Variants in TBC1D5 observed in about 807,000 individuals in gnomAD.
TBC1D5 encodes the protein TBC1 domain family member 5.
In TBC1D5, 75 loss-of-function variants were observed where a neutral mutation model predicts 100.3. The ratio of observed to expected loss-of-function variants is 0.75; its 90% confidence interval spans 0.62 to 0.91. The LOEUF (loss-of-function observed/expected upper bound fraction) is 0.91. Among genes scored for constraint, TBC1D5 ranks in the 40% least tolerant of loss-of-function variants. The pLI, the probability that TBC1D5 is intolerant of heterozygous loss-of-function variation, is 0.00. For synonymous variants in TBC1D5, 323 were observed against 325.6 expected, an observed-to-expected ratio of 0.99 and a Z score of 0.09; for missense variants, 910 against 942.4, an observed-to-expected ratio of 0.97 and a Z score of 0.45.
intron 3 of TBC1D5, among the ~76,000 whole-genome samples, chr3:17,468,272 T>C (rs745896433): frequency 6.6e-6 from 1 of 152,208 alleles, no homozygotes; most frequent in African/African-American, 2.4e-5. Context: ...CTGCAGAACA[T>C]GTTTGGCAGC....
At chr3:17,370,947 T>C (rs1383910015) in intron 13 of TBC1D5, among the ~76,000 whole-genome samples, 2 of 152,182 alleles carry the variant, frequency 1.3e-5, no homozygotes, top group African/African-American at 2.4e-5. Flanking sequence ...GCACTACATA[T>C]AAATGTTCTA....
chr3:17,176,188 C>G (rs969729884), intron 19 of TBC1D5, among the ~76,000 whole-genome samples: 2 of 152,194 alleles, frequency 1.3e-5, no homozygotes, highest in African/African-American at 4.8e-5. Flanking sequence ...CAATTTCCTC[C>G]ACTGTACACT....
At chr3:17,194,959 T>C (rs1242457828) in intron 18 of TBC1D5, among the ~76,000 whole-genome samples, 2 of 152,200 alleles carry the variant, frequency 1.3e-5, no homozygotes, top group Non-Finnish European at 2.9e-5. Context: ...TACTGGAAAT[T>C]GAAATAAAAC....
Position 17,703,914 on chromosome 3 carries a change from GTTTTTT to G in TBC1D5, c.-101+35423_-101+35428del, listed in dbSNP as rs58614671. On this transcript the variant is annotated intron_variant, in intron 1 of 21. Transcript: ENST00000253692. ...ACATTGATATTTGTGTTTTTTTTTT[GTTTTTT>G]TTTTTTTAATTTATTTTTTTATTGA... Among the ~76,000 whole-genome samples the G allele has an allele frequency of 4.2e-5, 6 of 141,890 alleles. No homozygotes were observed. The South Asian group carries it at 1.3e-3, about 31-fold the overall frequency. 93.1% of individuals were successfully genotyped at this position (141,890 alleles called of 152,430 possible).
At chr3:17,738,112 T>C (rs941315459) in intron 1 of TBC1D5, among the ~76,000 whole-genome samples, 23 of 152,222 alleles carry the variant, frequency 1.5e-4, no homozygotes, top group Admixed American at 2.6e-4. Flanking sequence ...TACTTTCTTG[T>C]TTTGAAAGAT....
chr3:17,702,732 A>G (rs929538785), intron 1 of TBC1D5, among the ~76,000 whole-genome samples: 1 of 152,136 alleles, frequency 6.6e-6, no homozygotes, highest in Non-Finnish European at 1.5e-5. Context: ...TTACTTTTTA[A>G]ATTTAATTGC....
intron 1 of TBC1D5, among the ~76,000 whole-genome samples, chr3:17,722,919 GAGTAA>G (rs539256095): frequency 5.4e-4 from 82 of 152,290 alleles, no homozygotes; most frequent in African/African-American, 1.8e-3. Context: ...GGGGCAGTGA[GAGTAA>G]AGTAATTTCC....
chr3:17,285,560 G>A (rs1035570954), intron 15 of TBC1D5, among the ~76,000 whole-genome samples: 2 of 151,872 alleles, frequency 1.3e-5, no homozygotes, highest in African/African-American at 2.4e-5. Context: ...GCGCCCGGCC[G>A]GATTTTAGAT....
intron 3 of TBC1D5, among the ~76,000 whole-genome samples, chr3:17,490,006 C>T (rs1485290257): frequency 6.6e-6 from 1 of 152,208 alleles, no homozygotes. Context: ...TCATCAGCAT[C>T]TGTTGTTTCT....
intron 13 of TBC1D5, among the ~76,000 whole-genome samples, chr3:17,326,034 T>C (rs1416658029): frequency 6.6e-6 from 1 of 152,190 alleles, no homozygotes; most frequent in African/African-American, 2.4e-5. Flanking sequence ...ATAAATTCTC[T>C]ATGACTGTAC....
chr3:17,334,229 C>G (rs2087327313), intron 13 of TBC1D5, among the ~76,000 whole-genome samples: 1 of 151,980 alleles, frequency 6.6e-6, no homozygotes, highest in Non-Finnish European at 1.5e-5. Flanking sequence ...GAGACAGATA[C>G]TACCTGTTTC....
At chr3:17,637,492 T>C (rs1440992940) in intron 1 of TBC1D5, among the ~76,000 whole-genome samples, 3 of 151,962 alleles carry the variant, frequency 2.0e-5, no homozygotes, top group East Asian at 3.9e-4. Flanking sequence ...ATATGAAATA[T>C]ACACAAACTG....
chr3:17,499,743 T>C (rs2095761755), intron 3 of TBC1D5, among the ~76,000 whole-genome samples: 1 of 148,940 alleles, frequency 6.7e-6, no homozygotes, highest in Admixed American at 6.6e-5. Flanking sequence ...GCCCCATTAA[T>C]GAATCAACAA....
At chr3:17,270,864 A>G (rs2079341313) in intron 15 of TBC1D5, among the ~76,000 whole-genome samples, 2 of 152,256 alleles carry the variant, frequency 1.3e-5, no homozygotes, top group Admixed American at 6.5e-5. Flanking sequence ...CCACTTATTG[A>G]ATAGAGAGTC....
chr3:17,714,505 C>A (rs182768917), intron 1 of TBC1D5, among the ~76,000 whole-genome samples: 327 of 152,294 alleles, frequency 2.1e-3, no homozygotes, highest in South Asian at 8.3e-3. Context: ...AGCCAATCCA[C>A]GAAGACTGGG....
intron 17 of TBC1D5, among the ~76,000 whole-genome samples, chr3:17,235,506 C>T (rs1404940923): frequency 6.6e-6 from 1 of 152,216 alleles, no homozygotes; most frequent in East Asian, 1.9e-4. Flanking sequence ...GTTCACTGAT[C>T]TATGGGACCA....
rs558207522 is a variant in TBC1D5, at chr3:17,167,634, G to A, written c.1932+115C>T. The A allele has an allele frequency of 4.6e-6, 4 of 863,624 alleles. No individual in the cohort carries two copies. In the African/African-American group the frequency reaches 5.1e-5, roughly 11 times the overall value. 53.5% of individuals were successfully genotyped at this position (863,624 alleles called of 1,614,324 possible). ...GTGATGCAGAAGGGGCTCTGTCTGG[G>A]AGGAAATGAGGGTTAGGGGGATGCT... On this transcript the variant is annotated intron_variant, in intron 20 of 21. Coordinates refer to ENST00000253692, the Ensembl canonical transcript of TBC1D5.
At chr3:17,303,786 C>T (rs1250927505) in intron 14 of TBC1D5, among the ~76,000 whole-genome samples, 4 of 150,892 alleles carry the variant, frequency 2.7e-5, no homozygotes, top group African/African-American at 9.8e-5. Context: ...TCCTATCTCC[C>T]TTTAGTCCTG....
chr3:17,672,087 T>C (rs1252112158), intron 1 of TBC1D5, among the ~76,000 whole-genome samples: 8 of 152,242 alleles, frequency 5.3e-5, no homozygotes. Context: ...AATTGACAGC[T>C]TTCTCTTTAA....
Sources: allele counts gnomAD v4.1 joint callset (sites outside exome capture counted in the v4.1 genomes callset), GRCh38; gene constraint gnomAD v4.1.1; transcripts MANE v1.5; gene names NCBI Gene and HGNC (gene_info 2026-07-23, HGNC 2026-07-21).